The following INPP5A variants were observed in gnomAD, a reference collection of about 807,000 sequenced individuals.
The protein encoded by INPP5A is inositol polyphosphate-5-phosphatase A, also known as 43 kDa inositol polyphosphate 5-phophatase.
In INPP5A, 14 loss-of-function variants were observed where a neutral mutation model predicts 65.2. That is an observed-to-expected ratio of 0.21 (90% CI 0.14 to 0.34). The LOEUF (loss-of-function observed/expected upper bound fraction) is 0.34. INPP5A is among the 10% of genes least tolerant of loss of function. The probability of loss-of-function intolerance (pLI) is 1.00; values close to 1 mark genes in which losing one functional copy is unlikely to be tolerated. For missense variants in INPP5A, 431 were observed against 545.6 expected, an observed-to-expected ratio of 0.79 and a Z score of 2.09; for synonymous variants, 207 against 208.3, an observed-to-expected ratio of 0.99 and a Z score of 0.05.
chr10:132,759,034 C>T (rs1565004379), intron 11 of INPP5A, among the ~76,000 whole-genome samples: 2 of 152,242 alleles, frequency 1.3e-5, no homozygotes, highest in East Asian at 3.8e-4. Flanking sequence ...ACATTTAGGG[C>T]GAGGAGTTGC....
intron 2 of INPP5A, among the ~76,000 whole-genome samples, chr10:132,640,798 C>T (rs1374212626): frequency 6.6e-6 from 1 of 152,208 alleles, no homozygotes; most frequent in Non-Finnish European, 1.5e-5. Flanking sequence ...TTCTTCTTTG[C>T]CCCTCTTTGC....
In INPP5A at chr10:132,741,228, C is replaced by A. The variant is rs1318262006; in HGVS notation, c.733-8289C>A. Among the ~76,000 whole-genome samples, 2 of 152,078 alleles carry A rather than the reference C, an allele frequency of 1.3e-5. No individual in the cohort carries two copies. Among genetic ancestry groups the A allele is most frequent in the Non-Finnish European group, 2.9e-5 (2 of 68,020 alleles). ...TCCATCCTGGCCAACAGAGGAGGAC[C>A]CTGTCTCAAAAACCTAAAAATAGAG... is the stretch of plus-strand genomic sequence containing the variant. On this transcript the variant is annotated intron_variant, in intron 9 of 15. Coordinates refer to ENST00000368594, the MANE Select transcript of INPP5A (RefSeq NM_005539.5). This position sits in a 1 kb window ranked among gnomAD's most constrained non-coding sequence, Gnocchi z 4.4.
Position 132,555,852 on chromosome 10 carries a change from C to T in INPP5A, c.75+17681C>T, listed in dbSNP as rs1360207194. ...CTTCAGCGTTTTATGGCAGCTGCTG[C>T]ATTAGGAATCTGCGTCACAGATGAA... On this transcript the variant is annotated intron_variant, in intron 1 of 15. Transcript: ENST00000368594. This position sits in a 1 kb window ranked among gnomAD's most constrained non-coding sequence, Gnocchi z 4.4. 6.6e-6 allele frequency among the ~76,000 whole-genome samples: 1 copy of T among 152,160 alleles called. No homozygotes were observed.
At chr10:132,740,098 C>T (rs1846247665) in intron 9 of INPP5A, among the ~76,000 whole-genome samples, 2 of 152,220 alleles carry the variant, frequency 1.3e-5, no homozygotes, top group East Asian at 3.8e-4. Flanking sequence ...CTAAGATCTG[C>T]ACCAGCGTCC....
At chr10:132,682,966 A>C (rs1364704861) in intron 4 of INPP5A, among the ~76,000 whole-genome samples, 2 of 150,144 alleles carry the variant, frequency 1.3e-5, no homozygotes, top group African/African-American at 2.5e-5. Flanking sequence ...TATTATATAC[A>C]TATGTACGCA....
At chr10:132,764,938 G>C (rs188522370) in intron 11 of INPP5A, among the ~76,000 whole-genome samples, 2 of 145,612 alleles carry the variant, frequency 1.4e-5, no homozygotes, top group African/African-American at 2.6e-5. Flanking sequence ...GAGGGTGTGC[G>C]TGGTGACACT....
intron 4 of INPP5A, among the ~76,000 whole-genome samples, chr10:132,660,709 T>C (rs1437484781): frequency 6.6e-6 from 1 of 152,096 alleles, no homozygotes; most frequent in African/African-American, 2.4e-5. Context: ...GTAAAGAAAT[T>C]TGAATGTGAT....
At chr10:132,681,607 C>T (rs982999709) in intron 4 of INPP5A, among the ~76,000 whole-genome samples, 6 of 151,988 alleles carry the variant, frequency 3.9e-5, no homozygotes, top group Non-Finnish European at 8.8e-5. Context: ...GTGCTGATAA[C>T]GATGGGAGGG....
intron 11 of INPP5A, among the ~76,000 whole-genome samples, chr10:132,756,271 T>C (rs539793982): frequency 8.9e-4 from 135 of 152,142 alleles, no homozygotes; most frequent in Non-Finnish European, 1.5e-3. Flanking sequence ...GTGTGGTGTG[T>C]ACGCATGCGT....
intron 9 of INPP5A, among the ~76,000 whole-genome samples, chr10:132,732,683 G>A (rs766554024): frequency 1.3e-5 from 2 of 152,294 alleles, no homozygotes; most frequent in Non-Finnish European, 2.9e-5. Context: ...AACCGACCAC[G>A]GGGAGGACCC....
intron 13 of INPP5A, among the ~76,000 whole-genome samples, chr10:132,779,584 A>T (rs1189291335): frequency 6.6e-6 from 1 of 152,142 alleles, no homozygotes; most frequent in Non-Finnish European, 1.5e-5. Flanking sequence ...TGGATCCGGG[A>T]CTTGACACTT....
chr10:132,658,478 C>G (rs1369227578), intron 4 of INPP5A, among the ~76,000 whole-genome samples: 1 of 152,174 alleles, frequency 6.6e-6, no homozygotes, highest in Non-Finnish European at 1.5e-5. Context: ...GATGAGCTGA[C>G]ATTGGGCTAT....
In INPP5A at chr10:132,782,183, C is replaced by G. The variant is rs998787922; in HGVS notation, c.*154C>G. ...CCCACACTTCGCTTCAGCCTCCGGACCATTCCGGAGCAGCCTCACATACCT... is the reference window on the plus strand; with the variant it reads ...CCCACACTTCGCTTCAGCCTCCGGAGCATTCCGGAGCAGCCTCACATACCT... On this transcript the variant is annotated 3_prime_UTR_variant, in exon 16 of 16. Transcript: ENST00000368594. This position sits in a 1 kb window ranked among gnomAD's most constrained non-coding sequence, Gnocchi z 4.4. 8.1e-7 allele frequency: 1 copy of G among 1,241,650 alleles called. No individual in the cohort carries two copies. The highest frequency in any genetic ancestry group is 1.5e-5 in the African/African-American group (1 of 66,686). 76.9% of individuals were successfully genotyped at this position (1,241,650 alleles called of 1,614,324 possible). A position where few individuals can be genotyped will look rare whatever the true frequency, so the allele number is the denominator to read the frequency against.
intron 5 of INPP5A, among the ~76,000 whole-genome samples, chr10:132,693,727 A>G (rs1418749289): frequency 6.6e-6 from 1 of 152,268 alleles, no homozygotes; most frequent in Non-Finnish European, 1.5e-5. Flanking sequence ...TATTCATGTC[A>G]GAAATTATCA....
At chr10:132,667,657 TACTTTAAA>T (rs1444276724) in intron 4 of INPP5A, among the ~76,000 whole-genome samples, 1 of 152,230 alleles carries the variant, frequency 6.6e-6, no homozygotes, top group East Asian at 1.9e-4. Flanking sequence ...CAGGCTTAAT[TACTTTAAA>T]ATTGTCATTT....
intron 1 of INPP5A, among the ~76,000 whole-genome samples, chr10:132,596,499 C>T (rs2071690697): frequency 6.6e-6 from 1 of 151,440 alleles, no homozygotes; most frequent in East Asian, 2.0e-4. Flanking sequence ...ACCATCTCAG[C>T]TCACTGCAAC....
intron 1 of INPP5A, among the ~76,000 whole-genome samples, chr10:132,556,517 T>C (rs2071128908): frequency 6.6e-6 from 1 of 152,112 alleles, no homozygotes; most frequent in South Asian, 2.1e-4. Context: ...AAGCATGCAC[T>C]ACACAGGTGC....
At chr10:132,775,836 C>T (rs1427378407) in intron 12 of INPP5A, among the ~76,000 whole-genome samples, 2 of 152,210 alleles carry the variant, frequency 1.3e-5, no homozygotes, top group African/African-American at 2.4e-5. Flanking sequence ...GGCTTCTCTC[C>T]GTGCCCCCAG....
chr10:132,645,338 G>GGC (rs777873341), intron 2 of INPP5A, among the ~76,000 whole-genome samples: 20 of 152,284 alleles, frequency 1.3e-4, no homozygotes, highest in Non-Finnish European at 2.4e-4. Context: ...GCTGTGAGCA[G>GGC]GCGGCGGAGT....
Sources: gnomAD v4.1 joint callset for allele counts (sites outside exome capture counted in the v4.1 genomes callset) on GRCh38, gnomAD v4.1.1 for gene constraint, Gnocchi (gnomAD v3.1) non-coding constraint, MANE v1.5 for transcripts, NCBI Gene and HGNC (gene_info 2026-07-23, HGNC 2026-07-21) for gene names.